EPB41L5: variants seen among roughly 807,000 people sequenced by gnomAD.
EPB41L5 encodes the protein erythrocyte membrane protein band 4.1 like 5.
EPB41L5 carries 55 observed loss-of-function variants against 106.6 expected under a neutral mutation model. The observed-to-expected ratio is 0.52, with a 90% CI of 0.42 to 0.65. EPB41L5 has a LOEUF of 0.65. Ranked by LOEUF, EPB41L5 falls within the 30% of genes least tolerant of loss-of-function variation. The pLI, the probability that EPB41L5 is intolerant of heterozygous loss-of-function variation, is 0.00. For synonymous variants in EPB41L5, 297 were observed against 306.7 expected, an observed-to-expected ratio of 0.97 and a Z score of 0.33; for missense variants, 871 against 882.1, an observed-to-expected ratio of 0.99 and a Z score of 0.16.
intron 16 of EPB41L5, among the ~76,000 whole-genome samples, chr2:120,109,201 C>A (rs2084172): frequency 0.64 from 96,680 of 151,986 alleles, 32,107 homozygotes; most frequent in Middle Eastern, 0.74. Context: ...CTGCATATAG[C>A]TGGTGAATGT....
At chr2:120,080,206 C>T (rs565637829) in intron 10 of EPB41L5, among the ~76,000 whole-genome samples, 6 of 151,682 alleles carry the variant, frequency 4.0e-5, no homozygotes, top group East Asian at 1.9e-4. Flanking sequence ...TGTGCTGCAC[C>T]GATTAACTCG....
chr2:120,021,927 G>A (rs978627445), intron 2 of EPB41L5, among the ~76,000 whole-genome samples: 2 of 152,138 alleles, frequency 1.3e-5, no homozygotes, highest in African/African-American at 4.8e-5. Context: ...TAAGGGTCTA[G>A]GATAAGGGTC....
chr2:120,039,374 CATG>C (rs1679248974), intron 2 of EPB41L5, among the ~76,000 whole-genome samples: 1 of 151,870 alleles, frequency 6.6e-6, no homozygotes, highest in Non-Finnish European at 1.5e-5. Context: ...AGTTGTACAA[CATG>C]GTGAATATTT....
At chr2:120,021,229 A>AGGCAGC (rs2105129065) in intron 2 of EPB41L5, among the ~76,000 whole-genome samples, 1 of 152,186 alleles carries the variant, frequency 6.6e-6, no homozygotes, top group African/African-American at 2.4e-5. Context: ...AGTCCCAGCT[A>AGGCAGC]CTCAGGAGGC....
chr2:120,162,586 AAGATAC>A (rs1276688665), intron 21 of EPB41L5, among the ~76,000 whole-genome samples: 3 of 152,234 alleles, frequency 2.0e-5, no homozygotes, highest in Admixed American at 1.3e-4. Flanking sequence ...AAAATCTGAA[AAGATAC>A]ATTGACTAAT....
chr2:120,051,228 A>G (rs191873411), intron 3 of EPB41L5, among the ~76,000 whole-genome samples: 46 of 152,302 alleles, frequency 3.0e-4, no homozygotes, highest in African/African-American at 1.1e-3. Context: ...GCTGCCGTTT[A>G]TTCGGCTATG....
chr2:120,056,418 C>T (rs967102117), intron 3 of EPB41L5, among the ~76,000 whole-genome samples: 23 of 151,950 alleles, frequency 1.5e-4, no homozygotes, highest in Non-Finnish European at 2.4e-4. Context: ...CCTGCCTCAG[C>T]CTCCCAAGGA....
rs1471590152 is a variant in EPB41L5, at chr2:120,118,268, G to T, written c.1338-9420G>T. Among the ~76,000 whole-genome samples, 4 of 152,240 alleles carry T rather than the reference G, an allele frequency of 2.6e-5. No homozygotes were observed. In the East Asian group the frequency reaches 5.8e-4, roughly 22 times the overall value. ...CTCACTTTTCAAGAAATTCATCATG[G>T]TGCTGAGGCAACTGTATGTCCACAT... On this transcript the variant is annotated intron_variant, in intron 16 of 24. Coordinates refer to ENST00000263713, the MANE Select transcript of EPB41L5 (RefSeq NM_020909.4).
At chr2:120,100,070 T>A (rs1223908557) in intron 14 of EPB41L5, among the ~76,000 whole-genome samples, 174 bp from the exon 15 acceptor site, 1 of 152,244 alleles carries the variant, frequency 6.6e-6, no homozygotes, top group Non-Finnish European at 1.5e-5. Context: ...GAACAAATGT[T>A]TTCAGGTATC....
chr2:120,017,833 T>C (rs902638110), intron 1 of EPB41L5, among the ~76,000 whole-genome samples: 2 of 152,210 alleles, frequency 1.3e-5, no homozygotes, highest in South Asian at 4.1e-4. Flanking sequence ...AATCTCCCTC[T>C]GCCACCCGGG....
intron 3 of EPB41L5, among the ~76,000 whole-genome samples, chr2:120,042,793 T>C (rs1450463685): frequency 6.6e-6 from 1 of 152,114 alleles, no homozygotes; most frequent in East Asian, 1.9e-4. Context: ...GATTAGGTAG[T>C]CTTCAAGCAG....
In EPB41L5 at chr2:120,087,166, TA is replaced by T. The variant is rs1683115001; in HGVS notation, c.804-4del. 1 of 1,551,818 alleles carries T rather than the reference TA, an allele frequency of 6.4e-7. No individual in the cohort carries two copies. Among genetic ancestry groups the T allele is most frequent in the South Asian group, 1.1e-5 (1 of 87,300 alleles). On this transcript the variant is annotated splice_region_variant and splice_polypyrimidine_tract_variant and intron_variant, in intron 10 of 24. Transcript: ENST00000263713. ...TTTGGCTTTTATTCTCTTATTATAT[TA>T]TAGGCCGAAGATAACCAGATTGGAT...
chr2:120,079,655 G>A (rs1251616029), intron 10 of EPB41L5, among the ~76,000 whole-genome samples: 4 of 152,084 alleles, frequency 2.6e-5, no homozygotes, highest in African/African-American at 9.7e-5. Context: ...ACTCACAACT[G>A]GTATTACATT....
In EPB41L5 at chr2:120,174,752, A is replaced by G. The variant is rs945287560; in HGVS notation, c.2136-89A>G. On this transcript the variant is annotated intron_variant, in intron 24 of 24. Transcript: ENST00000263713. ...AGGTCTGTAATCTGCTGTACCCTCAAAATGCTCTGTGTGGCACTAATGGAG... is the reference window on the plus strand; with the variant it reads ...AGGTCTGTAATCTGCTGTACCCTCAGAATGCTCTGTGTGGCACTAATGGAG... The G allele has an allele frequency of 8.7e-5, 97 of 1,120,312 alleles. 2 individuals are homozygous for G. The South Asian group carries it at 9.1e-4, about 11-fold the overall frequency. 69.4% of individuals were successfully genotyped at this position (1,120,312 alleles called of 1,614,324 possible). A position where few individuals can be genotyped will look rare whatever the true frequency, so the allele number is the denominator to read the frequency against.
intron 22 of EPB41L5, among the ~76,000 whole-genome samples, chr2:120,165,132 T>A (rs1687334224): frequency 1.3e-5 from 2 of 152,246 alleles, no homozygotes; most frequent in Admixed American, 1.3e-4. Context: ...AAGCCTTTTA[T>A]AATTCAACAT....
At chr2:120,079,607 C>G (rs1299551176) in intron 10 of EPB41L5, among the ~76,000 whole-genome samples, 1 of 152,188 alleles carries the variant, frequency 6.6e-6, no homozygotes, top group Non-Finnish European at 1.5e-5. Flanking sequence ...AAAGCCTGTT[C>G]TGTGGTACAT....
In EPB41L5 at chr2:120,106,895, A is replaced by C. The variant is rs954631441; in HGVS notation, c.1337+6081A>C. On this transcript the variant is annotated intron_variant, in intron 16 of 24. Coordinates refer to ENST00000263713, the MANE Select transcript of EPB41L5 (RefSeq NM_020909.4). Reference sequence around the variant, plus strand: ...ATACTTTTAAATGAATTTACAGAGAAAAATAAATTTTATTTGTCCTACTAT... The same window carrying C: ...ATACTTTTAAATGAATTTACAGAGACAAATAAATTTTATTTGTCCTACTAT... 4.1e-6 allele frequency: 4 copies of C among 977,562 alleles called. No homozygotes were observed. In the African/African-American group the frequency reaches 7.0e-5, roughly 17 times the overall value. 60.6% of individuals were successfully genotyped at this position (977,562 alleles called of 1,614,324 possible).
chr2:120,021,807 G>T (rs1242552564), intron 2 of EPB41L5, among the ~76,000 whole-genome samples: 1 of 152,186 alleles, frequency 6.6e-6, no homozygotes, highest in Non-Finnish European at 1.5e-5. Context: ...AAGAAGAAAT[G>T]ATTTCCCCTT....
At chr2:120,117,305 C>T (rs1323737303) in intron 16 of EPB41L5, among the ~76,000 whole-genome samples, 2 of 152,138 alleles carry the variant, frequency 1.3e-5, no homozygotes, top group Non-Finnish European at 2.9e-5. Context: ...ATTGCTATAC[C>T]CATGCCACTG....
Sources: allele counts gnomAD v4.1 joint callset (sites outside exome capture counted in the v4.1 genomes callset), GRCh38; gene constraint gnomAD v4.1.1; transcripts MANE v1.5; gene names NCBI Gene and HGNC (gene_info 2026-07-23, HGNC 2026-07-21).